CHODL: variants seen among roughly 807,000 people sequenced by gnomAD.
The protein encoded by CHODL is transmembrane protein MT75.
CHODL carries 29 observed loss-of-function variants against 34.5 expected under a neutral mutation model. The observed-to-expected ratio is 0.84, with a 90% CI of 0.63 to 1.15. The LOEUF (loss-of-function observed/expected upper bound fraction) is 1.15, where lower values mean the gene tolerates loss of function less well. Ranked by LOEUF, CHODL falls within the 50% of genes most tolerant of loss-of-function variation. The pLI is 0.00. For missense variants in CHODL, 332 were observed against 332.5 expected (o/e 1.00, Z 0.01); for synonymous variants, 125 against 116.1 (o/e 1.08, Z -0.49).
chr21:18,098,340 A>G (rs1359801579), intron 2 of CHODL, among the ~76,000 whole-genome samples: 1 of 152,062 alleles, frequency 6.6e-6, no homozygotes, highest in East Asian at 1.9e-4. Flanking sequence ...CAGAATATAT[A>G]GGGGCCTCAA....
intron 2 of CHODL, among the ~76,000 whole-genome samples, chr21:18,033,111 G>A (rs2064267137): frequency 2.6e-5 from 4 of 151,948 alleles, no homozygotes; most frequent in Admixed American, 2.6e-4. Context: ...CTTAATATTG[G>A]GGGTTAGGGA....
intron 1 of CHODL, among the ~76,000 whole-genome samples, chr21:17,988,667 C>A (rs553237373): frequency 7.0e-6 from 1 of 143,302 alleles, no homozygotes; most frequent in Admixed American, 7.2e-5. Context: ...TTTGTTCTTG[C>A]GATAGTTTAC....
intron 2 of CHODL, among the ~76,000 whole-genome samples, chr21:18,050,517 G>A (rs1039954314): frequency 2.0e-5 from 3 of 151,944 alleles, no homozygotes; most frequent in African/African-American, 7.2e-5. Flanking sequence ...GACGAAGGTG[G>A]TAGCAGTACA....
intron 1 of CHODL, among the ~76,000 whole-genome samples, chr21:18,008,199 C>T (rs1600887966): frequency 6.6e-6 from 1 of 151,624 alleles, no homozygotes; most frequent in East Asian, 1.9e-4. Context: ...CAGAAAAGTG[C>T]ACACGTTGAG....
In CHODL at chr21:17,961,021, C is replaced by T. The variant is rs150201299; in HGVS notation, c.-145+43621C>T. Among the ~76,000 whole-genome samples the T allele has an allele frequency of 4.4e-3, 674 of 152,190 alleles. 2 individuals carry two copies. The highest frequency in any genetic ancestry group is 0.013 in the African/African-American group (521 of 41,518). On this transcript the variant is annotated intron_variant, in intron 1 of 6. Coordinates refer to the CHODL transcript ENST00000400127. ...CTCAACTACATTATATTTGCTTCTTCGTCTCTCTCCTAAGACATACAAAGA... is the reference window on the plus strand; with the variant it reads ...CTCAACTACATTATATTTGCTTCTTTGTCTCTCTCCTAAGACATACAAAGA...
At chr21:17,939,881 C>T (rs1222032843) in intron 1 of CHODL, among the ~76,000 whole-genome samples, 10 of 152,130 alleles carry the variant, frequency 6.6e-5, no homozygotes, top group Admixed American at 1.3e-4. Flanking sequence ...AATTTTATTA[C>T]GTGTCTTATA....
intron 2 of CHODL, among the ~76,000 whole-genome samples, chr21:18,078,099 G>C (rs1010550207): frequency 6.6e-6 from 1 of 152,080 alleles, no homozygotes; most frequent in South Asian, 2.1e-4. Flanking sequence ...TCTGTGCCTA[G>C]CCTTCTTCAT....
intron 2 of CHODL, among the ~76,000 whole-genome samples, chr21:18,228,081 T>C (rs1296315695): frequency 1.3e-5 from 2 of 152,194 alleles, no homozygotes; most frequent in Non-Finnish European, 2.9e-5. Context: ...GTCCACTGTT[T>C]TTAAAAACTA....
intron 2 of CHODL, among the ~76,000 whole-genome samples, chr21:18,137,440 G>A (rs2072747201): frequency 6.6e-6 from 1 of 152,064 alleles, no homozygotes; most frequent in African/African-American, 2.4e-5. Flanking sequence ...TAAATATCAG[G>A]TATTTCCTCA....
At chr21:18,248,781 T>G (rs1371808486) in intron 1 of CHODL, among the ~76,000 whole-genome samples, 2 of 122,998 alleles carry the variant, frequency 1.6e-5, no homozygotes, top group South Asian at 4.5e-4. Flanking sequence ...AATATATGTG[T>G]GTATATATGT....
chr21:18,189,783 T>C (rs1468235911), intron 2 of CHODL, among the ~76,000 whole-genome samples: 2 of 151,882 alleles, frequency 1.3e-5, no homozygotes, highest in African/African-American at 4.8e-5. Context: ...TACAGGTGCA[T>C]GCCACCATGC....
At chr21:18,120,047 T>C (rs2065461006) in intron 2 of CHODL, among the ~76,000 whole-genome samples, 2 of 152,168 alleles carry the variant, frequency 1.3e-5, no homozygotes, top group South Asian at 4.1e-4. Flanking sequence ...TTGCAAGTCC[T>C]TGTGACTAGG....
At chr21:18,008,637 A>T (rs1009006559) in intron 1 of CHODL, among the ~76,000 whole-genome samples, 5 of 152,176 alleles carry the variant, frequency 3.3e-5, no homozygotes, top group African/African-American at 1.2e-4. Flanking sequence ...TACTTAGCAT[A>T]ATATCCTCTA....
intron 2 of CHODL, among the ~76,000 whole-genome samples, chr21:18,108,668 T>A (rs1468919536): frequency 6.6e-6 from 1 of 152,102 alleles, no homozygotes; most frequent in African/African-American, 2.4e-5. Flanking sequence ...ACAGATAGGA[T>A]CCTTTATGAA....
intron 1 of CHODL, among the ~76,000 whole-genome samples, chr21:18,024,184 G>A (rs922527494): frequency 8.5e-5 from 13 of 152,186 alleles, no homozygotes; most frequent in South Asian, 2.1e-4. Context: ...AGTTGCTAAC[G>A]AGGAGATTCA....
At chr21:17,957,567 G>T (rs1274974856) in intron 1 of CHODL, among the ~76,000 whole-genome samples, 1 of 151,930 alleles carries the variant, frequency 6.6e-6, no homozygotes, top group African/African-American at 2.4e-5. Context: ...AGGTCTTTTT[G>T]TACCTTTTTT....
intron 2 of CHODL, among the ~76,000 whole-genome samples, chr21:18,054,767 C>G (rs747089077): frequency 7.0e-4 from 106 of 151,906 alleles, no homozygotes; most frequent in Non-Finnish European, 1.3e-3. Flanking sequence ...AATCATTCCA[C>G]TATGTATATC....
At chr21:18,070,040 A>G (rs1368356104) in intron 2 of CHODL, among the ~76,000 whole-genome samples, 6 of 34,614 alleles carry the variant, frequency 1.7e-4, no homozygotes, top group African/African-American at 6.6e-4. Context: ...CCCCCCACCC[A>G]TTTCCTTTGC....
intron 2 of CHODL, among the ~76,000 whole-genome samples, chr21:18,221,723 G>T (rs545495433): frequency 6.6e-5 from 10 of 152,294 alleles, no homozygotes; most frequent in Admixed American, 5.2e-4. Flanking sequence ...CTGTCAATGG[G>T]TGTGCCAAAT....
Sources: allele counts gnomAD v4.1 joint callset (sites outside exome capture counted in the v4.1 genomes callset), GRCh38; gene constraint gnomAD v4.1.1; transcripts MANE v1.5; gene names NCBI Gene and HGNC (gene_info 2026-07-23, HGNC 2026-07-21).